SHROOM3: variants seen among roughly 807,000 people sequenced by gnomAD.
SHROOM3 encodes protein Shroom3.
In SHROOM3, 47 loss-of-function variants were observed where a neutral mutation model predicts 138.6. That is an observed-to-expected ratio of 0.34 (90% CI 0.27 to 0.43). SHROOM3 has a LOEUF of 0.43. Among genes scored for constraint, SHROOM3 ranks in the 20% least tolerant of loss-of-function variants. The probability of loss-of-function intolerance (pLI) is 1.00; values close to 1 mark genes in which losing one functional copy is unlikely to be tolerated. For missense variants in SHROOM3, 2,491 were observed against 2,596.5 expected (o/e 0.96, Z 0.88); for synonymous variants, 1,062 against 1,063.3 (o/e 1.00, Z 0.02).
chr4:76,509,178 C>A (rs1370078777), intron 1 of SHROOM3: 1 of 152,106 alleles, frequency 6.6e-6, no homozygotes, highest in Non-Finnish European at 1.5e-5. Context: ...GTATGTTCTT[C>A]TTTTTGAAGC....
At chr4:76,492,271 G>A (rs1477530351) in intron 1 of SHROOM3, among the ~76,000 whole-genome samples, 1 of 152,204 alleles carries the variant, frequency 6.6e-6, no homozygotes, top group Non-Finnish European at 1.5e-5. Flanking sequence ...GGCATGTTTA[G>A]CTCAGTGATG....
At chr4:76,581,242 T>G (rs1312403359) in intron 2 of SHROOM3, among the ~76,000 whole-genome samples, 1 of 152,206 alleles carries the variant, frequency 6.6e-6, no homozygotes, top group East Asian at 1.9e-4. Context: ...TTCTGGCCAG[T>G]AACATTCTTG....
At chr4:76,516,136 C>T (rs1732439387) in intron 1 of SHROOM3, among the ~76,000 whole-genome samples, 1 of 152,190 alleles carries the variant, frequency 6.6e-6, no homozygotes, top group African/African-American at 2.4e-5. Flanking sequence ...ACCACAGAGT[C>T]TTTCTGCTCC....
chr4:76,674,316 A>G (rs1718964762), intron 2 of SHROOM3, among the ~76,000 whole-genome samples: 1 of 152,112 alleles, frequency 6.6e-6, no homozygotes, highest in African/African-American at 2.4e-5. Flanking sequence ...CAGTGATCCT[A>G]TATTTCTATA....
intron 1 of SHROOM3, among the ~76,000 whole-genome samples, chr4:76,459,120 G>A (rs143230150): frequency 9.1e-4 from 138 of 152,180 alleles, no homozygotes; most frequent in African/African-American, 3.1e-3. Flanking sequence ...AGGAAGAATA[G>A]GGATGTTTTT....
chr4:76,690,038 T>C (rs1299450776), intron 2 of SHROOM3, among the ~76,000 whole-genome samples: 1 of 152,236 alleles, frequency 6.6e-6, no homozygotes, highest in African/African-American at 2.4e-5. Flanking sequence ...CCAGGGCCCC[T>C]GCTGAGTTGA....
At chr4:76,592,638 T>G (rs1734297945) in intron 2 of SHROOM3, among the ~76,000 whole-genome samples, 1 of 152,224 alleles carries the variant, frequency 6.6e-6, no homozygotes. Flanking sequence ...AAATTGGCCC[T>G]GACTAAGCTA....
chr4:76,689,668 G>C (rs1419140987), intron 2 of SHROOM3: 1 of 985,270 alleles, frequency 1.0e-6, no homozygotes, highest in African/African-American at 1.7e-5. Context: ...GCCCCGAGCA[G>C]CCCGGGGGCG....
intron 2 of SHROOM3, among the ~76,000 whole-genome samples, chr4:76,644,942 G>A (rs1338143394): frequency 1.3e-5 from 2 of 152,150 alleles, no homozygotes; most frequent in Non-Finnish European, 2.9e-5. Context: ...TAGTACTTAT[G>A]TAGCACTTAT....
At chr4:76,630,285 A>G (rs574798983) in intron 2 of SHROOM3, among the ~76,000 whole-genome samples, 50 of 152,286 alleles carry the variant, frequency 3.3e-4, no homozygotes, top group African/African-American at 1.1e-3. Context: ...AGGAGTGCCT[A>G]CCTTTCAGCT....
At chr4:76,737,395 T>C (rs1340769211) in intron 4 of SHROOM3, among the ~76,000 whole-genome samples, 4 of 152,096 alleles carry the variant, frequency 2.6e-5, no homozygotes, top group Non-Finnish European at 4.4e-5. Context: ...AACATCCGTG[T>C]GTGGGTTTTT....
chr4:76,645,934 C>T (rs188223871), intron 2 of SHROOM3, among the ~76,000 whole-genome samples: 30 of 152,068 alleles, frequency 2.0e-4, no homozygotes, highest in Admixed American at 1.6e-3. Context: ...AGAAGGGGAC[C>T]GAAGATTTAA....
intron 10 of SHROOM3, among the ~76,000 whole-genome samples, chr4:76,774,726 T>G (rs1183224652): frequency 6.6e-5 from 10 of 150,996 alleles, no homozygotes; most frequent in South Asian, 4.2e-4. Flanking sequence ...TTTTGTTTTT[T>G]TTTTTTTTAA....
intron 1 of SHROOM3, among the ~76,000 whole-genome samples, chr4:76,518,124 T>C (rs1732481074): frequency 1.3e-5 from 2 of 152,192 alleles, no homozygotes; most frequent in South Asian, 4.1e-4. Flanking sequence ...TGTGTGTATG[T>C]GTGTGTGTAT....
intron 2 of SHROOM3, among the ~76,000 whole-genome samples, chr4:76,582,973 A>G (rs1373172804): frequency 2.0e-5 from 3 of 152,230 alleles, no homozygotes; most frequent in Non-Finnish European, 4.4e-5. Context: ...GTGATTGCCA[A>G]AGAATCTGGA....
intron 1 of SHROOM3, among the ~76,000 whole-genome samples, chr4:76,470,346 C>T (rs1043197062): frequency 4.6e-5 from 7 of 152,206 alleles, no homozygotes; most frequent in African/African-American, 1.4e-4. Flanking sequence ...ATTCACTCTA[C>T]TCTGTGGAAC....
chr4:76,681,183 A>G (rs946055316), intron 2 of SHROOM3, among the ~76,000 whole-genome samples: 3 of 152,100 alleles, frequency 2.0e-5, no homozygotes, highest in Non-Finnish European at 4.4e-5. Context: ...AGATCTTCAA[A>G]CTTTCTGCCC....
At chr4:76,517,827 T>C (rs1411813250) in intron 1 of SHROOM3, among the ~76,000 whole-genome samples, 1 of 152,116 alleles carries the variant, frequency 6.6e-6, no homozygotes, top group Non-Finnish European at 1.5e-5. Flanking sequence ...GGACCACTCA[T>C]TTAACCAAAG....
chr4:76,601,318 A>G (rs569016856), intron 2 of SHROOM3, among the ~76,000 whole-genome samples: 121 of 152,232 alleles, frequency 7.9e-4, no homozygotes, highest in Non-Finnish European at 1.5e-3. Flanking sequence ...AGATGCTGCC[A>G]AAATCCTGCA....
Sources: gnomAD v4.1 joint callset for allele counts (sites outside exome capture counted in the v4.1 genomes callset) on GRCh38, gnomAD v4.1.1 for gene constraint, MANE v1.5 for transcripts, NCBI Gene and HGNC (gene_info 2026-07-23, HGNC 2026-07-21) for gene names.